The following GLRA3 variants were observed in gnomAD, a reference collection of about 807,000 sequenced individuals.
GLRA3 encodes the protein glycine receptor subunit alpha-3.
In GLRA3, 44 loss-of-function variants were observed where a neutral mutation model predicts 60.4. The ratio of observed to expected loss-of-function variants is 0.73; its 90% confidence interval spans 0.57 to 0.94. The LOEUF is 0.94. Among genes scored for constraint, GLRA3 ranks in the 40% least tolerant of loss-of-function variants. The pLI is 0.00. For missense variants in GLRA3, 508 were observed against 564.6 expected (o/e 0.90, Z 1.02); for synonymous variants, 223 against 192.9 (o/e 1.16, Z -1.29).
At chr4:174,644,171 A>T in intron 9 of GLRA3, 107 bp from the exon 10 acceptor site, 2 of 694,942 alleles carry the variant, frequency 2.9e-6, no homozygotes, top group Non-Finnish European at 5.0e-6. Context: ...TTACATTAAT[A>T]TAAGGAAAAG....
intron 3 of GLRA3, among the ~76,000 whole-genome samples, chr4:174,754,167 A>G (rs1737597083): frequency 6.6e-6 from 1 of 152,176 alleles, no homozygotes; most frequent in African/African-American, 2.4e-5. Flanking sequence ...TATAAGGATG[A>G]CTTGGTGGAT....
At position 174,795,782 on chromosome 4, in the gene GLRA3, A is replaced by G. The variant is rs539362644; in HGVS notation, c.72-6839T>C. On this transcript the variant is annotated intron_variant, in intron 1 of 9. Transcript: ENST00000274093. The stretch of plus-strand genomic sequence containing the variant: ...ACAAATCTGAATCTTTAAAGTGTTC[A>G]CAGTTCAGTCGATTACTCTGTGTGG... 2.6e-5 allele frequency among the ~76,000 whole-genome samples: 4 copies of G among 152,330 alleles called. No homozygotes were observed. The South Asian group carries it at 8.3e-4, about 32-fold the overall frequency.
intron 3 of GLRA3, among the ~76,000 whole-genome samples, chr4:174,751,126 C>G (rs1737467010): frequency 6.6e-6 from 1 of 151,930 alleles, no homozygotes; most frequent in African/African-American, 2.4e-5. Flanking sequence ...ATCTACCTAC[C>G]TACCTTCCTG....
intron 3 of GLRA3, among the ~76,000 whole-genome samples, chr4:174,764,542 G>A (rs1470163108): frequency 4.9e-5 from 3 of 61,606 alleles, no homozygotes; most frequent in Admixed American, 1.5e-4. Flanking sequence ...CAGCCTGTGC[G>A]ACAGACTCCG....
In GLRA3 at chr4:174,748,457, C is replaced by T. The variant is rs1012931699; in HGVS notation, c.267+18506G>A. ...TGGGAATAACTAGAAATAAACAAAT[C>T]CAGGGAAAGCTTTCATTTTAGGAGG... On this transcript the variant is annotated intron_variant, in intron 3 of 9. Coordinates refer to ENST00000274093, the MANE Select transcript of GLRA3 (RefSeq NM_006529.4). Among the ~76,000 whole-genome samples the T allele has an allele frequency of 6.6e-5, 10 of 151,940 alleles. No individual in the cohort carries two copies. The South Asian group carries it at 1.7e-3, about 25-fold the overall frequency.
chr4:174,692,399 A>T (rs1024284418), intron 5 of GLRA3, among the ~76,000 whole-genome samples: 7 of 151,208 alleles, frequency 4.6e-5, no homozygotes, highest in African/African-American at 1.7e-4. Flanking sequence ...CTGGGAAGTG[A>T]GGAGCCCCTC....
At chr4:174,807,337 G>A (rs1740091915) in intron 1 of GLRA3, among the ~76,000 whole-genome samples, 2 of 151,924 alleles carry the variant, frequency 1.3e-5, no homozygotes, top group East Asian at 3.9e-4. Flanking sequence ...TTCCCTTGCA[G>A]TGTTCATTAA....
At chr4:174,764,046 A>C (rs1192661080) in intron 3 of GLRA3, among the ~76,000 whole-genome samples, 1 of 152,190 alleles carries the variant, frequency 6.6e-6, no homozygotes, top group African/African-American at 2.4e-5. Flanking sequence ...TTGGTACTAC[A>C]TGAAATTAAT....
chr4:174,755,348 A>G (rs1163011342), intron 3 of GLRA3, among the ~76,000 whole-genome samples: 1 of 152,170 alleles, frequency 6.6e-6, no homozygotes, highest in Non-Finnish European at 1.5e-5. Context: ...TGCATTACAA[A>G]ATTTTAAATA....
chr4:174,668,009 T>G (rs1207440411), intron 7 of GLRA3, among the ~76,000 whole-genome samples: 3 of 152,102 alleles, frequency 2.0e-5, no homozygotes, highest in African/African-American at 7.2e-5. Flanking sequence ...GCACCATCCC[T>G]CTAGTGCTGT....
chr4:174,810,569 T>C (rs1284771652), intron 1 of GLRA3, among the ~76,000 whole-genome samples: 2 of 152,138 alleles, frequency 1.3e-5, no homozygotes, highest in African/African-American at 4.8e-5. Context: ...TAAGACAGTG[T>C]TGGCAACCAA....
At chr4:174,695,047 G>A (rs1734997224) in intron 5 of GLRA3, among the ~76,000 whole-genome samples, 1 of 151,998 alleles carries the variant, frequency 6.6e-6, no homozygotes. Flanking sequence ...TTCCTAAACA[G>A]ATCAATAACA....
intron 4 of GLRA3, among the ~76,000 whole-genome samples, chr4:174,725,594 C>T (rs1736293565): frequency 6.6e-6 from 1 of 152,124 alleles, no homozygotes; most frequent in Non-Finnish European, 1.5e-5. Flanking sequence ...GATCCTCCCA[C>T]CTTAGTCTTC....
chr4:174,770,324 A>G (rs1481662509), intron 2 of GLRA3, among the ~76,000 whole-genome samples: 2 of 152,104 alleles, frequency 1.3e-5, no homozygotes, highest in African/African-American at 4.8e-5. Context: ...CAGTATTTTT[A>G]AAAGCTTCCT....
chr4:174,708,770 A>T (rs1191585111), intron 5 of GLRA3, among the ~76,000 whole-genome samples: 4 of 148,304 alleles, frequency 2.7e-5, no homozygotes, highest in African/African-American at 9.9e-5. Flanking sequence ...CTAAGAAATT[A>T]TTATCCAATG....
intron 5 of GLRA3, among the ~76,000 whole-genome samples, chr4:174,688,394 T>C (rs1734640501): frequency 7.2e-6 from 1 of 138,584 alleles, no homozygotes; most frequent in Non-Finnish European, 1.5e-5. Context: ...ATTATATATA[T>C]TCATCAGATT....
chr4:174,779,353 A>G (rs1738769121), intron 2 of GLRA3, among the ~76,000 whole-genome samples: 1 of 152,174 alleles, frequency 6.6e-6, no homozygotes, highest in Non-Finnish European at 1.5e-5. Flanking sequence ...ATAAAACCAC[A>G]AAGATGGGGA....
Position 174,700,568 on chromosome 4 carries a change from C to T in GLRA3, c.574+14920G>A, listed in dbSNP as rs1735268127. Among the ~76,000 whole-genome samples the T allele has an allele frequency of 2.6e-5, 4 of 152,090 alleles. No individual in the cohort carries two copies. The South Asian group carries it at 8.3e-4, about 32-fold the overall frequency. On this transcript the variant is annotated intron_variant, in intron 5 of 9. Transcript: ENST00000274093. ...AAGCAACACATCTCTCACTTTAAAT[C>T]AAAAGCTAGAAATGGTTAAGCTTAG...
intron 5 of GLRA3, among the ~76,000 whole-genome samples, chr4:174,697,578 T>A (rs554493081): frequency 1.3e-5 from 2 of 152,242 alleles, no homozygotes; most frequent in Non-Finnish European, 2.9e-5. Flanking sequence ...ATTGGTCTGG[T>A]AAATTAAGCA....
Sources: gnomAD v4.1 joint callset for allele counts (sites outside exome capture counted in the v4.1 genomes callset) on GRCh38, gnomAD v4.1.1 for gene constraint, MANE v1.5 for transcripts, NCBI Gene and HGNC (gene_info 2026-07-23, HGNC 2026-07-21) for gene names.